CSMD1: variants seen among roughly 807,000 people sequenced by gnomAD.
CSMD1 encodes CUB and sushi domain-containing protein 1.
CSMD1 carries 213 observed loss-of-function variants against 417.5 expected under a neutral mutation model. The ratio of observed to expected loss-of-function variants is 0.51; its 90% CI spans 0.46 to 0.57. The LOEUF (loss-of-function observed/expected upper bound fraction) is 0.57, where lower values mean the gene tolerates loss of function less well. Ranked by LOEUF, CSMD1 falls within the 20% of genes least tolerant of loss-of-function variation. CSMD1 has a pLI of 0.00. For synonymous variants in CSMD1, 2,862 were observed against 1,736.8 expected, an observed-to-expected ratio of 1.65 and a Z score of -16.11; for missense variants, 6,923 against 4,529.7, an observed-to-expected ratio of 1.53 and a Z score of -15.17.
intron 50 of CSMD1, among the ~76,000 whole-genome samples, chr8:3,044,232 A>G (rs768131059): frequency 3.3e-5 from 5 of 152,216 alleles, no homozygotes; most frequent in African/African-American, 4.8e-5. Flanking sequence ...AGCTGACACT[A>G]CTGATGTGTC....
chr8:3,643,984 C>G (rs552801139), intron 7 of CSMD1, among the ~76,000 whole-genome samples: 1 of 152,230 alleles, frequency 6.6e-6, no homozygotes, highest in Non-Finnish European at 1.5e-5. Context: ...GAAGAGAACA[C>G]GGTGAATTCA....
chr8:3,495,718 G>C (rs1476576197), intron 10 of CSMD1, among the ~76,000 whole-genome samples: 3 of 152,120 alleles, frequency 2.0e-5, no homozygotes, highest in Non-Finnish European at 2.9e-5. Flanking sequence ...CAGAGTAAAA[G>C]AACCAGAGAT....
intron 4 of CSMD1, among the ~76,000 whole-genome samples, chr8:4,024,432 C>A (rs11994771): frequency 6.6e-6 from 1 of 151,974 alleles, no homozygotes; most frequent in African/African-American, 2.4e-5. Flanking sequence ...AACTCTTCAA[C>A]CATGTTCATA....
At chr8:3,575,649 C>T (rs1201222769) in intron 9 of CSMD1, among the ~76,000 whole-genome samples, 1 of 152,034 alleles carries the variant, frequency 6.6e-6, no homozygotes, top group African/African-American at 2.4e-5. Context: ...AATTTCTTTA[C>T]AGCACAACGC....
intron 10 of CSMD1, among the ~76,000 whole-genome samples, chr8:3,536,604 G>C (rs868400937): frequency 6.6e-6 from 1 of 152,202 alleles, no homozygotes; most frequent in Non-Finnish European, 1.5e-5. Flanking sequence ...CATGAATAGT[G>C]TGAACAGAAA....
At chr8:2,949,765 T>C (rs1034863007) in intron 67 of CSMD1, among the ~76,000 whole-genome samples, 48 of 152,212 alleles carry the variant, frequency 3.2e-4, no homozygotes, top group African/African-American at 1.2e-3. Flanking sequence ...CATGTATGGC[T>C]GTCTACCCTT....
chr8:4,910,334 G>A (rs1167939198), intron 1 of CSMD1, among the ~76,000 whole-genome samples: 13 of 152,152 alleles, frequency 8.5e-5, no homozygotes, highest in Admixed American at 3.9e-4. Flanking sequence ...CAATGTTGAT[G>A]ATGTATCTTA....
chr8:4,661,901 G>A (rs747599121), intron 1 of CSMD1, among the ~76,000 whole-genome samples: 4 of 152,076 alleles, frequency 2.6e-5, no homozygotes, highest in Admixed American at 6.5e-5. Context: ...AAGAATATAC[G>A]TAAATCACAA....
chr8:4,947,932 C>A (rs1052849529), intron 1 of CSMD1, among the ~76,000 whole-genome samples: 1 of 151,890 alleles, frequency 6.6e-6, no homozygotes. Context: ...TTCTTGGGTG[C>A]TTTGTGCGTT....
At position 3,459,941 on chromosome 8, in the gene CSMD1, T is replaced by C. The variant is rs370642624; in HGVS notation, c.1561+8771A>G. ...ATGGCCCATGATAATGCTACAAAAA[T>C]CTAAACAGTCCAGAAACTGGCTAAG... On this transcript the variant is annotated intron_variant, in intron 12 of 69. Coordinates refer to ENST00000635120, the MANE Select transcript of CSMD1 (RefSeq NM_033225.6). Among the ~76,000 whole-genome samples, 10 of 152,214 alleles carry C rather than the reference T, an allele frequency of 6.6e-5. No individual in the cohort carries two copies. In the South Asian group the frequency reaches 1.9e-3, roughly 28 times the overall value.
intron 2 of CSMD1, among the ~76,000 whole-genome samples, chr8:4,547,885 G>A (rs1379478993): frequency 6.6e-6 from 1 of 152,100 alleles, no homozygotes; most frequent in Non-Finnish European, 1.5e-5. Context: ...GAAGAAATCT[G>A]AGCAATAATT....
chr8:4,807,661 C>T (rs1798668833), intron 1 of CSMD1, among the ~76,000 whole-genome samples: 1 of 152,108 alleles, frequency 6.6e-6, no homozygotes, highest in South Asian at 2.1e-4. Context: ...TGTACATGCA[C>T]ACGTACATAC....
intron 5 of CSMD1, among the ~76,000 whole-genome samples, chr8:3,761,833 C>G (rs73498835): frequency 0.012 from 1,855 of 152,198 alleles, 32 homozygotes; most frequent in African/African-American, 0.042. Flanking sequence ...CAAGTCATTT[C>G]TTCCACCCGG....
intron 1 of CSMD1, among the ~76,000 whole-genome samples, chr8:4,804,971 C>T (rs141589141): frequency 2.6e-5 from 4 of 152,266 alleles, no homozygotes; most frequent in African/African-American, 9.6e-5. Flanking sequence ...AAATTAATTT[C>T]CACTTCCTGG....
chr8:4,054,161 A>G (rs2740883), intron 3 of CSMD1, among the ~76,000 whole-genome samples: 81,501 of 151,982 alleles, frequency 0.54, 23,203 homozygotes, highest in Non-Finnish European at 0.64. Context: ...ACTCCTCATT[A>G]CCACCATCAA....
chr8:4,446,495 T>C (rs1798796701), intron 2 of CSMD1, among the ~76,000 whole-genome samples: 1 of 152,178 alleles, frequency 6.6e-6, no homozygotes, highest in Non-Finnish European at 1.5e-5. Context: ...TGCAGGGATC[T>C]GTGATCAGGC....
chr8:3,581,930 G>A (rs1259381252), intron 9 of CSMD1, among the ~76,000 whole-genome samples: 4 of 151,980 alleles, frequency 2.6e-5, no homozygotes, highest in African/African-American at 4.8e-5. Flanking sequence ...TCAGCCTCCC[G>A]AGTAGCTGGG....
At chr8:3,998,891 T>C (rs1018694334) in intron 4 of CSMD1, among the ~76,000 whole-genome samples, 1 of 149,544 alleles carries the variant, frequency 6.7e-6, no homozygotes, top group African/African-American at 2.4e-5. Flanking sequence ...TAACATATAA[T>C]CTATATGGTA....
chr8:4,786,696 T>TC (rs1265703461), intron 1 of CSMD1, among the ~76,000 whole-genome samples: 1 of 152,244 alleles, frequency 6.6e-6, no homozygotes, highest in Non-Finnish European at 1.5e-5. Flanking sequence ...CTGGTTTTCT[T>TC]CAACATGCAA....
Sources: allele counts gnomAD v4.1 joint callset (sites outside exome capture counted in the v4.1 genomes callset), GRCh38; gene constraint gnomAD v4.1.1; transcripts MANE v1.5; gene names NCBI Gene and HGNC (gene_info 2026-07-23, HGNC 2026-07-21).